The following ABLIM2 variants were observed in gnomAD, a reference collection of about 807,000 sequenced individuals.
ABLIM2 encodes the protein actin-binding LIM protein 2.
A neutral mutation model predicts 97.7 loss-of-function variants in ABLIM2; 53 were observed. The ratio of observed to expected loss-of-function variants is 0.54; its 90% confidence interval spans 0.44 to 0.68. ABLIM2 has a LOEUF of 0.68. ABLIM2 is among the 30% of genes least tolerant of loss of function. The pLI is 0.00. For missense variants in ABLIM2, 835 were observed against 867.2 expected, an observed-to-expected ratio of 0.96 and a Z score of 0.47; for synonymous variants, 361 against 345.8, an observed-to-expected ratio of 1.04 and a Z score of -0.49.
intron 7 of ABLIM2, among the ~76,000 whole-genome samples, chr4:8,059,191 C>G (rs1168587992): frequency 6.6e-6 from 1 of 152,042 alleles, no homozygotes; most frequent in Non-Finnish European, 1.5e-5. Flanking sequence ...CTCTAGGTGC[C>G]TGTCTGCAAG....
chr4:8,134,994 G>A (rs1212889603), intron 1 of ABLIM2, among the ~76,000 whole-genome samples: 1 of 152,236 alleles, frequency 6.6e-6, no homozygotes, highest in Non-Finnish European at 1.5e-5. Flanking sequence ...TGGGCACAGT[G>A]GCAAGGACCC....
chr4:8,010,692 C>G (rs1186664445), intron 14 of ABLIM2: 2 of 720,066 alleles, frequency 2.8e-6, no homozygotes, highest in Non-Finnish European at 3.4e-6. Flanking sequence ...GCCCTGCTCT[C>G]CCCACTCACA....
intron 2 of ABLIM2, among the ~76,000 whole-genome samples, chr4:8,099,332 A>G (rs1019870711): frequency 6.6e-6 from 1 of 152,176 alleles, no homozygotes; most frequent in Non-Finnish European, 1.5e-5. Context: ...TGGCTCTGGC[A>G]TTTCTGTATT....
Position 7,966,735 on chromosome 4 carries a change from G to A in ABLIM2, c.*255C>T. On this transcript the variant is annotated 3_prime_UTR_variant, in exon 21 of 21. Transcript: ENST00000447017. ...TGTGCTCCATCTGATGCCCGACACA[G>A]CCACTCTACAGCCTCTCCCTGACAC... 1 of 481,338 alleles carries A rather than the reference G, an allele frequency of 2.1e-6. No individual in the cohort carries two copies. The highest frequency in any genetic ancestry group is 3.2e-5 in the East Asian group (1 of 30,780). 29.8% of individuals were successfully genotyped at this position (481,338 alleles called of 1,614,324 possible). A position where few individuals can be genotyped will look rare whatever the true frequency, so the allele number is the denominator to read the frequency against.
chr4:8,028,381 GCTCA>G (rs1465060609), intron 11 of ABLIM2, among the ~76,000 whole-genome samples: 1 of 152,164 alleles, frequency 6.6e-6, no homozygotes, highest in African/African-American at 2.4e-5. Flanking sequence ...CTGCTCACCT[GCTCA>G]CTCACTCACT....
intron 6 of ABLIM2, among the ~76,000 whole-genome samples, chr4:8,065,476 A>G (rs566181114): frequency 1.3e-5 from 2 of 152,376 alleles, no homozygotes; most frequent in Admixed American, 6.5e-5. Context: ...GTCAAGACAC[A>G]GGAGCCCTCG....
rs760144899 is a variant in ABLIM2, at chr4:8,029,742, C to T, written c.1082G>A (p.Arg361Gln). Residue 361 changes from arginine to glutamine, a missense_variant, in exon 11 of 21, where the codon CGG becomes CAG. Transcript: ENST00000447017. ...CCCAGTGGAGCTTGGGCTGGAGGTC[C>T]GACACTGCTTGTAGGACCGGTCATC... ...DQDDRSYKQC[R>Q]TSSPSSTGSV... The T allele has an allele frequency of 5.0e-5, 78 of 1,562,040 alleles. No individual in the cohort carries two copies. Among genetic ancestry groups the T allele is most frequent in the South Asian group, 7.1e-5 (6 of 84,654 alleles).
intron 1 of ABLIM2, among the ~76,000 whole-genome samples, chr4:8,131,174 C>G (rs1364810126): frequency 1.3e-5 from 2 of 152,216 alleles, no homozygotes; most frequent in Non-Finnish European, 2.9e-5. Flanking sequence ...GCAATATTCA[C>G]AGGTCACAGG....
At position 8,129,919 on chromosome 4, in the gene ABLIM2, C is replaced by T. The variant is rs147889657; in HGVS notation, c.11-23282G>A. On this transcript the variant is annotated intron_variant, in intron 1 of 20. Coordinates refer to ENST00000447017, the MANE Select transcript of ABLIM2 (RefSeq NM_001130083.2). ...AGGAGACCTCTTCCATGCTCAGAGA[C>T]ACTGGGGAGCCAACTGCACCAGCCC... Among the ~76,000 whole-genome samples the T allele has an allele frequency of 2.2e-3, 333 of 152,338 alleles. 1 individual carries two copies. The highest frequency in any genetic ancestry group is 7.5e-3 in the African/African-American group (313 of 41,580).
chr4:7,968,020 G>C (rs946704444), intron 20 of ABLIM2, among the ~76,000 whole-genome samples: 1 of 152,232 alleles, frequency 6.6e-6, no homozygotes, highest in Non-Finnish European at 1.5e-5. Context: ...AGCAGGCTCT[G>C]AGAAACCCCG....
rs28631772 is a variant in ABLIM2 at position 8,120,564 on chromosome 4, A to T, written c.11-13927T>A. 6.8e-3 allele frequency among the ~76,000 whole-genome samples: 1,035 copies of T among 152,228 alleles called. 11 individuals carry two copies. Among genetic ancestry groups the T allele is most frequent in the African/African-American group, 0.024 (994 of 41,518 alleles). Reference sequence around the variant, plus strand: ...GGTCCTTCCTTGCAGCCTCAGAAGGAGCCAGCCCTGCCCGCACCTTGATCT... The same window carrying T: ...GGTCCTTCCTTGCAGCCTCAGAAGGTGCCAGCCCTGCCCGCACCTTGATCT... On this transcript the variant is annotated intron_variant, in intron 1 of 20. Coordinates refer to ENST00000447017, the MANE Select transcript of ABLIM2 (RefSeq NM_001130083.2). The surrounding 1 kb of genome is among the most constrained non-coding windows in gnomAD (Gnocchi z 5.6).
chr4:8,036,339 C>T (rs762061053), intron 9 of ABLIM2, 44 bp from the exon 10 acceptor site: 9 of 1,603,040 alleles, frequency 5.6e-6, no homozygotes, highest in African/African-American at 1.3e-5. Context: ...TCACCAGATG[C>T]ACCCCAGAGG....
chr4:8,043,032 T>C lies in ABLIM2; in HGVS notation c.900+2132A>G, dbSNP rs1297756795. Among the ~76,000 whole-genome samples the C allele has an allele frequency of 6.6e-6, 1 of 151,728 alleles. No individual in the cohort carries two copies. The highest frequency in any genetic ancestry group is 1.5e-5 in the Non-Finnish European group (1 of 67,958). ...CAGGTGTGATGGTGCATGCCTGTAG[T>C]CCCAGCTACTCGGGATGCTGAGGTG... On this transcript the variant is annotated intron_variant, in intron 9 of 20. Transcript: ENST00000447017. This position sits in a 1 kb window ranked among gnomAD's most constrained non-coding sequence, Gnocchi z 4.8.
At chr4:8,028,097 G>A (rs1480713551) in intron 11 of ABLIM2, among the ~76,000 whole-genome samples, 2 of 152,244 alleles carry the variant, frequency 1.3e-5, no homozygotes, top group African/African-American at 4.8e-5. Flanking sequence ...CCTTGGGCTG[G>A]GGTTCCCCAG....
chr4:8,157,004 AT>A (rs1373285409), intron 1 of ABLIM2, among the ~76,000 whole-genome samples: 1 of 152,182 alleles, frequency 6.6e-6, no homozygotes, highest in Non-Finnish European at 1.5e-5. Flanking sequence ...AGCAATGACC[AT>A]CCCAAACTAC....
In ABLIM2 at chr4:7,966,973, G is replaced by C. The variant is rs200154513; in HGVS notation, c.*17C>G. On this transcript the variant is annotated 3_prime_UTR_variant, in exon 21 of 21. Transcript: ENST00000447017. ...CCTCGGCGCCCGGCACACACCAGTG[G>C]GGCAGGCTGGCAGCCGTCAGAACAA... The C allele has an allele frequency of 1.3e-6, 2 of 1,596,178 alleles. No homozygotes were observed. Among genetic ancestry groups the C allele is most frequent in the Non-Finnish European group, 1.7e-6 (2 of 1,168,048 alleles).
chr4:8,105,520 T>C (rs1266847419), intron 2 of ABLIM2, among the ~76,000 whole-genome samples: 1 of 152,224 alleles, frequency 6.6e-6, no homozygotes, highest in African/African-American at 2.4e-5. Context: ...AAAATCATCA[T>C]GCTCAATTAT....
intron 5 of ABLIM2, among the ~76,000 whole-genome samples, chr4:8,078,087 A>T (rs953104968): frequency 6.6e-6 from 1 of 152,140 alleles, no homozygotes; most frequent in Non-Finnish European, 1.5e-5. Flanking sequence ...TGCCTTAGAA[A>T]ACTGTGAGCC....
chr4:7,977,860 A>C (rs1734806754), intron 20 of ABLIM2, among the ~76,000 whole-genome samples: 1 of 151,676 alleles, frequency 6.6e-6, no homozygotes, highest in African/African-American at 2.4e-5. Flanking sequence ...ACTGGCCTAG[A>C]AATATCCGTG....
Sources: gnomAD v4.1 joint callset for allele counts (sites outside exome capture counted in the v4.1 genomes callset) on GRCh38, gnomAD v4.1.1 for gene constraint, Gnocchi (gnomAD v3.1) non-coding constraint, MANE v1.5 for transcripts, NCBI Gene and HGNC (gene_info 2026-07-23, HGNC 2026-07-21) for gene names.